Variants in BICRAL observed in about 807,000 individuals in gnomAD.
BICRAL encodes BICRA like chromatin remodeling complex associated protein, also known as BRD4-interacting chromatin-remodeling complex-associated protein-like.
A neutral mutation model predicts 91.8 loss-of-function variants in BICRAL; 8 were observed. The ratio of observed to expected loss-of-function variants is 0.09; its 90% CI spans 0.05 to 0.16. The LOEUF (loss-of-function observed/expected upper bound fraction) is 0.16. BICRAL is among the 10% of genes least tolerant of loss of function. The pLI is 1.00. For missense variants in BICRAL, 1,038 were observed against 1,310.9 expected (o/e 0.79, Z 3.21); for synonymous variants, 445 against 491.1 (o/e 0.91, Z 1.24).
chr6:42,748,294 A>T (rs1040813148), intron 1 of BICRAL, among the ~76,000 whole-genome samples: 2 of 152,140 alleles, frequency 1.3e-5, no homozygotes, highest in Non-Finnish European at 2.9e-5. Flanking sequence ...GAAAAAAACA[A>T]CCTGACCTTT....
chr6:42,788,647 T>C (rs1763175242), intron 1 of BICRAL, among the ~76,000 whole-genome samples: 1 of 152,096 alleles, frequency 6.6e-6, no homozygotes, highest in Non-Finnish European at 1.5e-5. Flanking sequence ...GGAGGTAGAA[T>C]ATAGGACTTA....
intron 1 of BICRAL, among the ~76,000 whole-genome samples, chr6:42,767,451 G>C (rs1273810730): frequency 6.6e-6 from 1 of 152,158 alleles, no homozygotes; most frequent in Non-Finnish European, 1.5e-5. Flanking sequence ...AAACACAGAT[G>C]ATAGATGGGC....
At chr6:42,771,638 A>G (rs1276761206) in intron 1 of BICRAL, among the ~76,000 whole-genome samples, 4 of 151,626 alleles carry the variant, frequency 2.6e-5, no homozygotes, top group African/African-American at 9.7e-5. Flanking sequence ...ATATTTTCTG[A>G]TGGTTTTTCG....
chr6:42,812,438 T>A (rs1436778325), intron 2 of BICRAL, among the ~76,000 whole-genome samples: 1 of 152,018 alleles, frequency 6.6e-6, no homozygotes, highest in Admixed American at 6.6e-5. Context: ...TCAAAAAAAA[T>A]TTGTTTAAGT....
intron 5 of BICRAL, among the ~76,000 whole-genome samples, chr6:42,827,386 AT>A (rs998138128): frequency 5.9e-5 from 9 of 152,222 alleles, no homozygotes; most frequent in Non-Finnish European, 1.3e-4. Context: ...TCTGACATTC[AT>A]TTTGAACAAA....
At position 42,865,001 on chromosome 6, in the gene BICRAL, A is replaced by G; in HGVS notation, c.2795A>G (p.Gln932Arg). Residue 932 changes from glutamine (Q) to arginine (R), a missense_variant, in exon 13 of 13, where the codon CAG becomes CGG. Transcript: ENST00000314073. ...CGGAGAGAGCCTCTGAAGGCCAGTC[A>G]GTGCTCTCCCGGCCCTGAGGGGCAC... ...ASRREPLKAS[Q>R]CSPGPEGHRK... The G allele has an allele frequency of 6.2e-7, 1 of 1,614,104 alleles. No homozygotes were observed. The highest frequency in any genetic ancestry group is 1.1e-5 in the South Asian group (1 of 91,084).
intron 1 of BICRAL, among the ~76,000 whole-genome samples, chr6:42,787,380 A>AG (rs1763131170): frequency 6.6e-6 from 1 of 152,144 alleles, no homozygotes; most frequent in Non-Finnish European, 1.5e-5. Flanking sequence ...AGTTGAGCTG[A>AG]GGGGAGTGAT....
At chr6:42,852,055 A>G (rs1264144820) in intron 6 of BICRAL, 37 bp from the exon 7 acceptor site, 4 of 1,235,500 alleles carry the variant, frequency 3.2e-6, no homozygotes, top group Non-Finnish European at 4.7e-6. Context: ...AGCTTTAGAA[A>G]TGAAATTAAT....
intron 10 of BICRAL, among the ~76,000 whole-genome samples, chr6:42,859,881 G>T (rs1293007153): frequency 2.0e-5 from 3 of 151,902 alleles, no homozygotes; most frequent in Non-Finnish European, 4.4e-5. Flanking sequence ...TCCTGACCTC[G>T]TGATCCGCCC....
At chr6:42,860,529 T>G (rs1457011231) in intron 11 of BICRAL, among the ~76,000 whole-genome samples, 173 bp downstream of exon 11, 1 of 152,266 alleles carries the variant, frequency 6.6e-6, no homozygotes, top group Non-Finnish European at 1.5e-5. Context: ...GAACATTTGC[T>G]GTACTTTACT....
At chr6:42,862,485 A>C (rs774612391) in intron 11 of BICRAL, 25 bp from the exon 12 acceptor site, 1 of 1,429,660 alleles carries the variant, frequency 7.0e-7, no homozygotes, top group South Asian at 1.2e-5. Context: ...TTGTCTATGA[A>C]ATGACTGGCC....
chr6:42,787,877 A>C (rs1381999632), intron 1 of BICRAL, among the ~76,000 whole-genome samples: 1 of 150,814 alleles, frequency 6.6e-6, no homozygotes. Flanking sequence ...ATGGGGTCAA[A>C]GAAGAGGGCT....
At chr6:42,847,291 A>T (rs563157450) in intron 6 of BICRAL, among the ~76,000 whole-genome samples, 85 of 152,326 alleles carry the variant, frequency 5.6e-4, no homozygotes, top group African/African-American at 1.9e-3. Flanking sequence ...AAACCTTTTT[A>T]AAAAGCATAA....
chr6:42,818,166 T>G (rs1764049115), intron 2 of BICRAL, among the ~76,000 whole-genome samples: 1 of 152,128 alleles, frequency 6.6e-6, no homozygotes, highest in Non-Finnish European at 1.5e-5. Flanking sequence ...AGCAGAATCC[T>G]TCATCCAACT....
chr6:42,780,345 G>C (rs1762879838), upstream of BICRAL, among the ~76,000 whole-genome samples: 1 of 151,938 alleles, frequency 6.6e-6, no homozygotes, highest in Non-Finnish European at 1.5e-5. Flanking sequence ...AATGCTTAAG[G>C]GGATATAGAA....
intron 1 of BICRAL, among the ~76,000 whole-genome samples, chr6:42,784,987 C>G (rs957075645): frequency 3.7e-4 from 57 of 152,070 alleles, no homozygotes; most frequent in African/African-American, 1.2e-3. Context: ...CTGTTCTGCT[C>G]TTTTTTGAAT....
At chr6:42,807,365 A>G (rs1763737862) in intron 1 of BICRAL, among the ~76,000 whole-genome samples, 1 of 151,310 alleles carries the variant, frequency 6.6e-6, no homozygotes, top group Non-Finnish European at 1.5e-5. Flanking sequence ...TTGTATTTTT[A>G]GTAGAGATGG....
chr6:42,863,337 C>T (rs1386117523), intron 12 of BICRAL, among the ~76,000 whole-genome samples: 1 of 152,108 alleles, frequency 6.6e-6, no homozygotes, highest in Non-Finnish European at 1.5e-5. Flanking sequence ...CGTGAGCCAC[C>T]GTGCCCAGCC....
intron 1 of BICRAL, among the ~76,000 whole-genome samples, chr6:42,792,462 G>A (rs1763302020): frequency 6.7e-6 from 1 of 149,226 alleles, no homozygotes; most frequent in African/African-American, 2.5e-5. Context: ...ATGTAGAGAT[G>A]AGTTCTTGCT....
Sources: gnomAD v4.1 joint callset for allele counts (sites outside exome capture counted in the v4.1 genomes callset) on GRCh38, gnomAD v4.1.1 for gene constraint, MANE v1.5 for transcripts, NCBI Gene and HGNC (gene_info 2026-07-23, HGNC 2026-07-21) for gene names.